The following PAK5 variants were observed in gnomAD, a reference collection of about 807,000 sequenced individuals.
PAK5 encodes the protein p21 (RAC1) activated kinase 5, also known as serine/threonine-protein kinase PAK 5.
In PAK5, 16 loss-of-function variants were observed where a neutral mutation model predicts 65.9. That is an observed-to-expected ratio of 0.24 (90% CI 0.16 to 0.37). PAK5 has a LOEUF of 0.37. Among genes scored for constraint, PAK5 ranks in the 10% least tolerant of loss-of-function variants. The pLI, the probability that PAK5 is intolerant of heterozygous loss-of-function variation, is 1.00. For synonymous variants in PAK5, 371 were observed against 354.9 expected (o/e 1.05, Z -0.51); for missense variants, 785 against 903.9 (o/e 0.87, Z 1.69).
At chr20:9,562,426 T>C (rs2045604850) in intron 6 of PAK5, among the ~76,000 whole-genome samples, 1 of 152,220 alleles carries the variant, frequency 6.6e-6, no homozygotes, top group Admixed American at 6.5e-5. Context: ...CTTGCAAGCA[T>C]ATTTTAAAAC....
chr20:9,806,576 A>T (rs1235573166), intron 1 of PAK5, among the ~76,000 whole-genome samples: 3 of 152,074 alleles, frequency 2.0e-5, no homozygotes, highest in Non-Finnish European at 4.4e-5. Flanking sequence ...CCCATCGAAA[A>T]TGAGTTTGTC....
chr20:9,813,892 G>T (rs1419032530), intron 1 of PAK5, among the ~76,000 whole-genome samples: 4 of 152,156 alleles, frequency 2.6e-5, no homozygotes, highest in African/African-American at 9.7e-5. Context: ...TCCAGTTATA[G>T]CCTTAAAATG....
At chr20:9,766,308 AAT>A (rs1393189769) in intron 1 of PAK5, among the ~76,000 whole-genome samples, 1 of 142,946 alleles carries the variant, frequency 7.0e-6, no homozygotes, top group Non-Finnish European at 1.5e-5. Context: ...ATTCTACTTG[AAT>A]ATATATATAT....
chr20:9,678,602 G>T (rs1409670009), intron 2 of PAK5, among the ~76,000 whole-genome samples: 1 of 152,060 alleles, frequency 6.6e-6, no homozygotes, highest in African/African-American at 2.4e-5. Context: ...TACCGAGACT[G>T]GGTAGTTTAT....
intron 4 of PAK5, among the ~76,000 whole-genome samples, chr20:9,568,031 G>T (rs989746779): frequency 6.6e-6 from 1 of 152,196 alleles, no homozygotes; most frequent in Non-Finnish European, 1.5e-5. Flanking sequence ...TTGTGAGGAA[G>T]AGCAGACGCT....
intron 1 of PAK5, among the ~76,000 whole-genome samples, chr20:9,834,472 T>C (rs556866255): frequency 1.3e-5 from 2 of 152,304 alleles, no homozygotes; most frequent in East Asian, 3.9e-4. Context: ...TCTCTCCTAA[T>C]TTACCTCCAG....
At chr20:9,762,120 G>A (rs1338035070) in intron 1 of PAK5, among the ~76,000 whole-genome samples, 1 of 151,978 alleles carries the variant, frequency 6.6e-6, no homozygotes, top group Admixed American at 6.6e-5. Flanking sequence ...AACTTAAAAT[G>A]GATTAAAGAC....
chr20:9,772,410 G>A (rs923495396), intron 1 of PAK5, among the ~76,000 whole-genome samples: 1 of 152,316 alleles, frequency 6.6e-6, no homozygotes, highest in South Asian at 2.1e-4. Flanking sequence ...GGGTTTTGCA[G>A]GAGTCTCTAG....
At chr20:9,644,398 A>C (rs2047106913) in intron 2 of PAK5, 59 bp from the exon 3 acceptor site, 1 of 1,113,914 alleles carries the variant, frequency 9.0e-7, no homozygotes, top group Admixed American at 1.9e-5. Context: ...GAAGACCAGG[A>C]GAAAGCTATT....
intron 2 of PAK5, among the ~76,000 whole-genome samples, chr20:9,693,003 G>A (rs975364620): frequency 1.3e-5 from 2 of 152,140 alleles, no homozygotes; most frequent in Middle Eastern, 3.2e-3. Context: ...TGCCACAGTA[G>A]CAATGCTAGT....
At chr20:9,646,309 A>G (rs948164279) in intron 2 of PAK5, among the ~76,000 whole-genome samples, 5 of 152,270 alleles carry the variant, frequency 3.3e-5, no homozygotes, top group African/African-American at 7.2e-5. Context: ...TGCTCAGACC[A>G]TTCACAGCCT....
intron 1 of PAK5, among the ~76,000 whole-genome samples, chr20:9,794,177 G>C (rs563329619): frequency 1.3e-4 from 19 of 151,800 alleles, no homozygotes; most frequent in South Asian, 8.4e-4. Flanking sequence ...GGTCATGTTG[G>C]GGGGTGGGGG....
intron 1 of PAK5, among the ~76,000 whole-genome samples, chr20:9,715,411 G>T (rs1433532032): frequency 2.0e-5 from 3 of 152,088 alleles, no homozygotes; most frequent in Non-Finnish European, 4.4e-5. Flanking sequence ...TGCTGGAGAG[G>T]ATGTGGAGAA....
chr20:9,751,124 T>A (rs1286765635), intron 1 of PAK5, among the ~76,000 whole-genome samples: 1 of 152,190 alleles, frequency 6.6e-6, no homozygotes, highest in African/African-American at 2.4e-5. Context: ...ATTACTACTG[T>A]ATAGATATAA....
chr20:9,837,846 A>G (rs1168657954), intron 1 of PAK5, among the ~76,000 whole-genome samples: 1 of 152,138 alleles, frequency 6.6e-6, no homozygotes. Context: ...GCTTTGTGCC[A>G]ACTTTTCTTT....
intron 2 of PAK5, among the ~76,000 whole-genome samples, chr20:9,699,864 C>T (rs1391173725): frequency 6.6e-6 from 1 of 152,080 alleles, no homozygotes; most frequent in Non-Finnish European, 1.5e-5. Context: ...CCTTCAAGCA[C>T]CCGGTCCCCT....
At chr20:9,695,473 A>T (rs1203912530) in intron 2 of PAK5, among the ~76,000 whole-genome samples, 2 of 152,030 alleles carry the variant, frequency 1.3e-5, no homozygotes, top group Non-Finnish European at 2.9e-5. Context: ...TAGATTTACG[A>T]TCTATCTGAA....
intron 1 of PAK5, among the ~76,000 whole-genome samples, chr20:9,712,653 A>G (rs6056817): frequency 0.015 from 2,346 of 152,310 alleles, 22 homozygotes; most frequent in Middle Eastern, 0.044. Flanking sequence ...CCAACATGTT[A>G]CTAGCATGAA....
Position 9,580,576 on chromosome 20 carries a change from G to C in PAK5, c.559C>G (p.Pro187Ala), listed in dbSNP as rs34280805. ...AATCTGGCAAAATCGGATTTCAAAG[G>C]CTTCACCTCAGAATAGTAGGCCTCC... The part of the protein sequence containing the change: ...HGEAYYSEVK[P>A]LKSDFARFSA... Residue 187 changes from proline to alanine, a missense_variant, in exon 4 of 10, where the codon CCT (proline) becomes GCT (alanine). Physicochemically the swap from Pro to Ala is conservative, Grantham distance 27 (BLOSUM62 -1). Transcript: ENST00000353224. 4.8e-5 allele frequency: 77 copies of C among 1,614,032 alleles called. No homozygotes were observed. The Middle Eastern group carries it at 1.2e-3, about 24-fold the overall frequency.
Sources: gnomAD v4.1 joint callset for allele counts (sites outside exome capture counted in the v4.1 genomes callset) on GRCh38, gnomAD v4.1.1 for gene constraint, MANE v1.5 for transcripts, NCBI Gene and HGNC (gene_info 2026-07-23, HGNC 2026-07-21) for gene names.